Variants in TOX2 observed in about 807,000 individuals in gnomAD.
TOX2 encodes the protein TOX high mobility group box family member 2.
TOX2 carries 15 observed loss-of-function variants against 47.4 expected under a neutral mutation model. That is an observed-to-expected ratio of 0.32 (90% CI 0.21 to 0.49). The LOEUF is 0.49. TOX2 is among the 20% of genes least tolerant of loss of function. The pLI, the probability that TOX2 is intolerant of heterozygous loss-of-function variation, is 0.99. For missense variants in TOX2, 622 were observed against 673.1 expected (o/e 0.92, Z 0.84); for synonymous variants, 290 against 296.6 (o/e 0.98, Z 0.23).
intron 2 of TOX2, among the ~76,000 whole-genome samples, chr20:44,004,227 C>T (rs2070638196): frequency 6.6e-6 from 1 of 152,160 alleles, no homozygotes; most frequent in South Asian, 2.1e-4. Context: ...CAAACGAGAA[C>T]ATTGACTGGG....
At chr20:44,067,285 G>T (rs1425918313) in intron 8 of TOX2, among the ~76,000 whole-genome samples, 1 of 152,090 alleles carries the variant, frequency 6.6e-6, no homozygotes, top group East Asian at 1.9e-4. Context: ...AGGAGCTGAG[G>T]GGGGATGTGG....
intron 1 of TOX2, among the ~76,000 whole-genome samples, chr20:43,969,047 G>A (rs1194191984): frequency 6.6e-6 from 1 of 152,216 alleles, no homozygotes; most frequent in Non-Finnish European, 1.5e-5. Context: ...TTAAATGGCT[G>A]CAGATGCATG....
At chr20:44,010,505 A>G (rs2070760900) in intron 3 of TOX2, among the ~76,000 whole-genome samples, 3 of 152,234 alleles carry the variant, frequency 2.0e-5, no homozygotes, top group Non-Finnish European at 4.4e-5. Context: ...AACTGGGAAA[A>G]CCAGATAAGG....
At chr20:44,055,491 C>CAG (rs2071600195) in intron 5 of TOX2, among the ~76,000 whole-genome samples, 1 of 152,062 alleles carries the variant, frequency 6.6e-6, no homozygotes, top group African/African-American at 2.4e-5. Context: ...CCAGGATGGC[C>CAG]AGAGAGGAGA....
intron 1 of TOX2, among the ~76,000 whole-genome samples, chr20:43,931,740 T>C (rs1017741104): frequency 6.6e-6 from 1 of 152,038 alleles, no homozygotes; most frequent in Non-Finnish European, 1.5e-5. Flanking sequence ...AGTTGGGAGG[T>C]GGTGCCTGTG....
At chr20:44,059,758 A>C (rs896771678) in intron 5 of TOX2, among the ~76,000 whole-genome samples, 8 of 152,220 alleles carry the variant, frequency 5.3e-5, no homozygotes, top group Non-Finnish European at 1.2e-4. Flanking sequence ...AAAGGAGCTC[A>C]ATCTTGAAAC....
intron 1 of TOX2, among the ~76,000 whole-genome samples, chr20:43,951,702 A>ATGGTTTTTTTTTTTTTT (rs2069568941): frequency 2.6e-5 from 1 of 38,674 alleles, no homozygotes; most frequent in African/African-American, 9.8e-5. Flanking sequence ...TATTAAACTT[A>ATGGTTTTTTTTTTTTTT]TTATGTTTTT....
At chr20:44,062,404 A>AAATAAATAAATGAATG (rs756138400) in intron 5 of TOX2, among the ~76,000 whole-genome samples, 31 of 144,996 alleles carry the variant, frequency 2.1e-4, no homozygotes, top group African/African-American at 7.5e-4. Context: ...ATAAATAAAT[A>AAATAAATAAATGAATG]AATGAATAAA....
rs2071781624 is a variant in TOX2, at chr20:44,064,793, C to T, written c.896C>T (p.Thr299Ile). 1 of 1,614,120 alleles carries T rather than the reference C, an allele frequency of 6.2e-7. No individual in the cohort carries two copies. The highest frequency in any genetic ancestry group is 8.5e-7 in the Non-Finnish European group (1 of 1,180,010). ...EEQKQAYKRK[T>I]EAAKKEYLKA... ...CTCTTCCAGGCCTACAAGAGGAAGA[C>T]AGAAGCAGCAAAGAAGGAATATCTG... The change falls in exon 6 of 9, where the codon ACA becomes ATA. Residue 299 changes from threonine (T) to isoleucine (I), a missense_variant. Thr to Ile is a moderately conservative substitution (Grantham distance 89). Around this residue, in one of 3 missense-constraint regions of TOX2, gnomAD observed 294 missense variants for 300.0 expected, o/e 0.98. Coordinates refer to ENST00000341197, the MANE Select transcript of TOX2 (RefSeq NM_001098797.2).
At chr20:44,003,552 ACTC>A (rs2070623973) in intron 2 of TOX2, among the ~76,000 whole-genome samples, 1 of 152,104 alleles carries the variant, frequency 6.6e-6, no homozygotes, top group Admixed American at 6.5e-5. Flanking sequence ...AGGGAGCAAA[ACTC>A]ATGTTAAATA....
intron 5 of TOX2, among the ~76,000 whole-genome samples, chr20:44,063,009 A>C (rs1600803045): frequency 6.6e-6 from 1 of 152,358 alleles, no homozygotes; most frequent in East Asian, 1.9e-4. Flanking sequence ...TGGAAGACTT[A>C]AATCTAAGAC....
At chr20:44,010,055 T>C (rs545036264) in intron 3 of TOX2, among the ~76,000 whole-genome samples, 33 of 152,340 alleles carry the variant, frequency 2.2e-4, no homozygotes, top group African/African-American at 7.2e-4. Context: ...TCTTAGCAAA[T>C]GTCTGGCAGA....
At chr20:43,980,586 C>T (rs1185687887) in intron 2 of TOX2, among the ~76,000 whole-genome samples, 1 of 152,114 alleles carries the variant, frequency 6.6e-6, no homozygotes, top group Non-Finnish European at 1.5e-5. Flanking sequence ...TTACTTATTG[C>T]ATGCCTGTAT....
chr20:44,039,184 G>C, intron 3 of TOX2: 1 of 1,275,138 alleles, frequency 7.8e-7, no homozygotes, highest in Non-Finnish European at 1.0e-6. Context: ...GAGGCCAGAG[G>C]ATGGAGCAGG....
At chr20:44,032,528 G>A (rs2071172827) in intron 3 of TOX2, among the ~76,000 whole-genome samples, 1 of 152,188 alleles carries the variant, frequency 6.6e-6, no homozygotes, top group South Asian at 2.1e-4. Flanking sequence ...AGGGGTGATG[G>A]AGGGGACTGG....
chr20:44,068,600 G>C, intron 8 of TOX2, 50 bp from the exon 9 acceptor site: 2 of 1,584,342 alleles, frequency 1.3e-6, no homozygotes, highest in Non-Finnish European at 1.7e-6. Context: ...GTGCTCCCCT[G>C]GCCCGGAGAG....
intron 1 of TOX2, among the ~76,000 whole-genome samples, chr20:43,933,175 C>G (rs2069277784): frequency 6.6e-6 from 1 of 152,214 alleles, no homozygotes; most frequent in African/African-American, 2.4e-5. Flanking sequence ...GTGAATGTCT[C>G]CGTTACCTAG....
Position 43,915,095 on chromosome 20 carries a change from C to A in TOX2, c.99+105C>A. On this transcript the variant is annotated intron_variant, in intron 1 of 8. Coordinates refer to ENST00000341197, the MANE Select transcript of TOX2 (RefSeq NM_001098797.2). This position sits in a 1 kb window ranked among gnomAD's most constrained non-coding sequence, Gnocchi z 7.1. ...CACACGGGGCCGCGCACATCAGCCC[C>A]GCCGACGGGCACGGGCGGCTCACAT... is the stretch of plus-strand genomic sequence containing the variant. 3.5e-6 allele frequency: 2 copies of A among 577,480 alleles called. No individual in the cohort carries two copies. Among genetic ancestry groups the A allele is most frequent in the Non-Finnish European group, 4.6e-6 (2 of 439,540 alleles). The allele number at this position is 577,480 out of a possible 1,614,324, so 35.8% of individuals were successfully genotyped here.
intron 1 of TOX2, among the ~76,000 whole-genome samples, chr20:43,962,705 T>G (rs1473722303): frequency 6.6e-6 from 1 of 152,162 alleles, no homozygotes; most frequent in Non-Finnish European, 1.5e-5. Flanking sequence ...CACAGAGAAA[T>G]GGATTCGGCT....
Sources: allele counts gnomAD v4.1 joint callset (sites outside exome capture counted in the v4.1 genomes callset), GRCh38; gene constraint gnomAD v4.1.1; regional missense constraint gnomAD v4.1.1; non-coding constraint Gnocchi (gnomAD v3.1); transcripts MANE v1.5; gene names NCBI Gene and HGNC (gene_info 2026-07-23, HGNC 2026-07-21).